Variants in PLXDC1 observed in about 807,000 individuals in gnomAD.
PLXDC1 encodes the protein plexin domain-containing protein 1.
A neutral mutation model predicts 61.3 loss-of-function variants in PLXDC1; 39 were observed. The ratio of observed to expected loss-of-function variants is 0.64; its 90% CI spans 0.49 to 0.83. PLXDC1 has a LOEUF of 0.83. Ranked by LOEUF, PLXDC1 falls within the 40% of genes least tolerant of loss-of-function variation. PLXDC1 has a pLI of 0.00. For missense variants in PLXDC1, 596 were observed against 666.5 expected (o/e 0.89, Z 1.17); for synonymous variants, 212 against 254.5 (o/e 0.83, Z 1.59).
At chr17:39,083,859 T>G (rs1567755991) in intron 8 of PLXDC1, among the ~76,000 whole-genome samples, 1 of 152,018 alleles carries the variant, frequency 6.6e-6, no homozygotes, top group Non-Finnish European at 1.5e-5. Flanking sequence ...CTACCTACCT[T>G]CCTTTTTTCC....
chr17:39,072,979 C>A, intron 11 of PLXDC1: 1 of 167,002 alleles, frequency 6.0e-6, no homozygotes, highest in Non-Finnish European at 1.3e-5. Context: ...GAAAGAAAAG[C>A]AAGAGTTCCA....
chr17:39,141,947 T>A (rs1911947567), intron 1 of PLXDC1, among the ~76,000 whole-genome samples: 1 of 152,218 alleles, frequency 6.6e-6, no homozygotes, highest in African/African-American at 2.4e-5. Context: ...GTGGGCCATT[T>A]GTATATCTTC....
At chr17:39,076,954 C>T (rs1241113813) in intron 11 of PLXDC1, among the ~76,000 whole-genome samples, 11 of 152,056 alleles carry the variant, frequency 7.2e-5, no homozygotes, top group Non-Finnish European at 2.9e-5. Flanking sequence ...AGGATGGTCT[C>T]GAACTCCTGA....
chr17:39,095,369 C>CCCCA (rs1345420353), intron 7 of PLXDC1, among the ~76,000 whole-genome samples: 6 of 54,370 alleles, frequency 1.1e-4, no homozygotes, highest in Non-Finnish European at 1.8e-4. Flanking sequence ...TACGCCCCGC[C>CCCCA]CCCCCCCCCC....
intron 12 of PLXDC1, chr17:39,070,341 A>G (rs1351493937): frequency 4.9e-6 from 1 of 205,254 alleles, no homozygotes; most frequent in African/African-American, 2.3e-5. Context: ...GAGGGTTAAG[A>G]GTTTGGGATC....
In PLXDC1 at chr17:39,084,414, A is replaced by G. The variant is rs140209154; in HGVS notation, c.908-874T>C. Among the ~76,000 whole-genome samples, 955 of 152,360 alleles carry G rather than the reference A, an allele frequency of 6.3e-3. 4 individuals are homozygous for G. The highest frequency in any genetic ancestry group is 0.01 in the Middle Eastern group (3 of 294). On this transcript the variant is annotated intron_variant, in intron 8 of 13. Transcript: ENST00000315392. ...CATCATGGTAACCATCTCACTGTCT[A>G]TATGCATCCCATAGCATCATGCTGT... is the stretch of plus-strand genomic sequence containing the variant.
intron 2 of PLXDC1, among the ~76,000 whole-genome samples, 173 bp from the exon 3 acceptor site, chr17:39,109,564 T>A (rs144704735): frequency 2.0e-4 from 30 of 152,250 alleles, no homozygotes; most frequent in African/African-American, 7.2e-4. Flanking sequence ...GGACTCCCCC[T>A]TGGCCCCAGA....
At chr17:39,128,067 GTCTC>G (rs376740692) in intron 2 of PLXDC1, among the ~76,000 whole-genome samples, 37,833 of 76,754 alleles carry the variant, frequency 0.49, 9,026 homozygotes, top group East Asian at 0.63. Context: ...CTCTCTCTCT[GTCTC>G]TCTCTCTCTC....
At chr17:39,132,887 G>C (rs1911610927) in intron 2 of PLXDC1, among the ~76,000 whole-genome samples, 2 of 152,182 alleles carry the variant, frequency 1.3e-5, no homozygotes, top group African/African-American at 4.8e-5. Flanking sequence ...CCAGAGCAGA[G>C]GGTCCCAGAG....
intron 7 of PLXDC1, among the ~76,000 whole-genome samples, chr17:39,103,173 T>C (rs1056784073): frequency 4.7e-5 from 7 of 148,712 alleles, no homozygotes; most frequent in Admixed American, 4.7e-4. Context: ...TGAGATCTCA[T>C]CACTGCACTC....
At chr17:39,136,121 C>A (rs900514685) in intron 2 of PLXDC1, among the ~76,000 whole-genome samples, 6 of 152,124 alleles carry the variant, frequency 3.9e-5, no homozygotes, top group Admixed American at 1.3e-4. Context: ...TAATCAGGGG[C>A]CTCTCCTACT....
chr17:39,129,140 A>G (rs1403000544), intron 2 of PLXDC1, among the ~76,000 whole-genome samples: 1 of 151,626 alleles, frequency 6.6e-6, no homozygotes, highest in African/African-American at 2.4e-5. Context: ...CAACATGGCA[A>G]AATCCCATCC....
At chr17:39,072,325 G>A in intron 12 of PLXDC1, 125 bp downstream of exon 12, 2 of 725,386 alleles carry the variant, frequency 2.8e-6, no homozygotes, top group Non-Finnish European at 5.0e-6. Context: ...GGTCTGGGAT[G>A]CTCAGGCTGC....
At position 39,065,653 on chromosome 17, in the gene PLXDC1, G is replaced by A. The variant is rs3760155; in HGVS notation, c.*2187C>T. ...AGCCTCCCAAAGTGCTGGGAGTACAGGCACGAGCCATCAGGCTTGGCCAAA... is the reference window on the plus strand; with the variant it reads ...AGCCTCCCAAAGTGCTGGGAGTACAAGCACGAGCCATCAGGCTTGGCCAAA... On this transcript the variant is annotated 3_prime_UTR_variant, in exon 14 of 14. Coordinates refer to ENST00000315392, the MANE Select transcript of PLXDC1 (RefSeq NM_020405.5). 2.0e-5 allele frequency: 3 copies of A among 152,176 alleles called. No individual in the cohort carries two copies. In the East Asian group the frequency reaches 5.8e-4, roughly 29 times the overall value. The allele number at this position is 152,176 out of a possible 1,614,324, so 9.4% of individuals were successfully genotyped here.
At chr17:39,100,875 GGAGGGGTCGTGGGAGGTAC>G (rs1910397582) in intron 7 of PLXDC1, among the ~76,000 whole-genome samples, 1 of 152,264 alleles carries the variant, frequency 6.6e-6, no homozygotes, top group Non-Finnish European at 1.5e-5. Flanking sequence ...GGGGAGGGCA[GGAGGGGTCGTGGGAGGTAC>G]GAGGGGGCTC....
intron 2 of PLXDC1, among the ~76,000 whole-genome samples, chr17:39,111,485 A>G (rs9675087): frequency 0.35 from 53,538 of 151,922 alleles, 9,982 homozygotes; most frequent in Admixed American, 0.45. Context: ...GGGTTTTACC[A>G]TGTTGGCCAG....
intron 7 of PLXDC1, among the ~76,000 whole-genome samples, chr17:39,092,273 TG>T (rs1405165996): frequency 2.6e-5 from 4 of 151,920 alleles, no homozygotes; most frequent in Non-Finnish European, 5.9e-5. Flanking sequence ...TGGGTCTCCC[TG>T]TACTACCCAG....
intron 4 of PLXDC1, 197 bp downstream of exon 4, chr17:39,108,707 T>G (rs532462937): frequency 5.0e-6 from 3 of 600,988 alleles, no homozygotes; most frequent in Non-Finnish European, 9.0e-6. Context: ...TGCAGGCACA[T>G]GAGCAGGTCA....
Position 39,079,145 on chromosome 17 carries a change from G to T in PLXDC1, c.1009C>A (p.Arg337Ser). 1 of 1,613,834 alleles carries T rather than the reference G, an allele frequency of 6.2e-7. No homozygotes were observed. Among genetic ancestry groups the T allele is most frequent in the Admixed American group, 1.7e-5 (1 of 60,018 alleles). ...TAGTCCATCCACTCCTGGCGATAGCGGTCAAAGCCACTGGAGCATCTGCAG... is the reference window on the plus strand; with the variant it reads ...TAGTCCATCCACTCCTGGCGATAGCTGTCAAAGCCACTGGAGCATCTGCAG... ...VLQRCSSGFDRYRQEWMDYGC... is the reference protein window; with the variant it reads ...VLQRCSSGFDSYRQEWMDYGC... The change falls in exon 10 of 14, where the codon CGC becomes AGC. Residue 337 changes from arginine (R) to serine (S), a missense_variant. Arg to Ser is a moderately radical substitution (Grantham distance 110). Transcript: ENST00000315392.
Sources: gnomAD v4.1 joint callset for allele counts (sites outside exome capture counted in the v4.1 genomes callset) on GRCh38, gnomAD v4.1.1 for gene constraint, MANE v1.5 for transcripts, NCBI Gene and HGNC (gene_info 2026-07-23, HGNC 2026-07-21) for gene names.